The following TMEM72 variants were observed in gnomAD, a reference collection of about 807,000 sequenced individuals.
The protein encoded by TMEM72 is kidney-specific secretory protein of 37 kDa.
Under a neutral mutation model 16.3 loss-of-function variants are expected in TMEM72, and 9 were observed. The ratio of observed to expected loss-of-function variants is 0.55; its 90% confidence interval spans 0.33 to 0.96. TMEM72 has a LOEUF of 0.96. TMEM72 is among the 40% of genes least tolerant of loss of function. TMEM72 has a pLI of 0.03. For missense variants in TMEM72, 324 were observed against 337.8 expected (o/e 0.96, Z 0.32); for synonymous variants, 160 against 146.5 (o/e 1.09, Z -0.66).
rs1302348939 is a variant in TMEM72, at chr10:44,933,915, G to A, written c.349+139G>A. 1.8e-5 allele frequency: 19 copies of A among 1,084,094 alleles called. 1 individual carries two copies. The highest frequency in any genetic ancestry group is 2.3e-5 in the Non-Finnish European group (18 of 789,420). 67.2% of individuals were successfully genotyped at this position (1,084,094 alleles called of 1,614,324 possible). On this transcript the variant is annotated intron_variant, in intron 4 of 4. Coordinates refer to ENST00000389583, the MANE Select transcript of TMEM72 (RefSeq NM_001123376.3). ...CACTGCCCTCTCTGACCTAGAGGGT[G>A]GACATGAGGAATCATCGGAATGCCA...
chr10:44,927,879 T>C, intron 1 of TMEM72, 42 bp from the exon 2 acceptor site: 2 of 1,606,464 alleles, frequency 1.2e-6, no homozygotes, highest in African/African-American at 2.7e-5. Flanking sequence ...TGCTGTGGTG[T>C]AGAGCACCAG....
At chr10:44,916,471 C>A (rs1185583624) in intron 1 of TMEM72, among the ~76,000 whole-genome samples, 1 of 152,114 alleles carries the variant, frequency 6.6e-6, no homozygotes, top group Non-Finnish European at 1.5e-5. Flanking sequence ...AAGGATAGAG[C>A]AAATGCATAG....
rs1840384734 is a variant in TMEM72 at position 44,935,399 on chromosome 10, C to T, written c.*265C>T. On this transcript the variant is annotated 3_prime_UTR_variant, in exon 5 of 5. Coordinates refer to ENST00000389583, the MANE Select transcript of TMEM72 (RefSeq NM_001123376.3). Reference sequence around the variant, plus strand: ...CAGGTGGGGAAACCCTTATGCTTCCCCAACAAGACCATCACTGCCACTGCG... The same window carrying T: ...CAGGTGGGGAAACCCTTATGCTTCCTCAACAAGACCATCACTGCCACTGCG... The T allele has an allele frequency of 7.2e-6, 3 of 414,076 alleles. No individual in the cohort carries two copies. The highest frequency in any genetic ancestry group is 2.0e-5 in the African/African-American group (1 of 49,448). The allele number at this position is 414,076 out of a possible 1,614,324, so 25.7% of individuals were successfully genotyped here.
Position 44,927,970 on chromosome 10 carries a change from C to G in TMEM72, c.120C>G (p.Ser40Arg). ...TETFLQGQFK[S>R]LAFYLLFTGA... is the part of the protein sequence containing the mutation. The stretch of plus-strand genomic sequence containing the variant: ...CCTTCCTCCAGGGCCAGTTCAAAAG[C>G]CTGGCTTTCTATCTGCTGTGAGTAT... Residue 40 changes from serine to arginine, a missense_variant, in exon 2 of 5, where the codon AGC becomes AGG. Transcript: ENST00000389583. 6.2e-7 allele frequency: 1 copy of G among 1,613,792 alleles called. No homozygotes were observed. The highest frequency in any genetic ancestry group is 1.3e-5 in the African/African-American group (1 of 75,030).
intron 1 of TMEM72, among the ~76,000 whole-genome samples, chr10:44,915,831 C>A (rs1169980014): frequency 6.6e-6 from 1 of 152,168 alleles, no homozygotes; most frequent in Non-Finnish European, 1.5e-5. Context: ...ACCAGCACCA[C>A]CGTGACCTTC....
intron 1 of TMEM72, among the ~76,000 whole-genome samples, chr10:44,917,069 T>C (rs1208616079): frequency 2.6e-5 from 4 of 152,072 alleles, no homozygotes; most frequent in Non-Finnish European, 5.9e-5. Flanking sequence ...GACACATGGA[T>C]TAGAATGGCA....
At chr10:44,931,927 T>A in intron 2 of TMEM72, 71 bp from the exon 3 acceptor site, 2 of 1,500,370 alleles carry the variant, frequency 1.3e-6, no homozygotes, top group South Asian at 2.4e-5. Flanking sequence ...AGGCCACGTG[T>A]GAGAAGACAG....
chr10:44,925,103 C>T lies in TMEM72; in HGVS notation c.71-2818C>T, dbSNP rs146893896. Among the ~76,000 whole-genome samples the T allele has an allele frequency of 1.2e-3, 182 of 152,324 alleles. 1 individual carries two copies. Among genetic ancestry groups the T allele is most frequent in the Middle Eastern group, 3.4e-3 (1 of 294 alleles). ...TCTGCCCCTTCCACAGATGAGAAAACACAGCTTGGATGAGTTAAGTACTTG... is the reference window on the plus strand; with the variant it reads ...TCTGCCCCTTCCACAGATGAGAAAATACAGCTTGGATGAGTTAAGTACTTG... On this transcript the variant is annotated intron_variant, in intron 1 of 4. Coordinates refer to ENST00000389583, the MANE Select transcript of TMEM72 (RefSeq NM_001123376.3).
rs753581640 is a variant in TMEM72, at chr10:44,927,957, G to A, written c.107G>A (p.Gly36Asp). ...GTGGGCACTGAGACCTTCCTCCAGGGCCAGTTCAAAAGCCTGGCTTTCTAT... is the reference window on the plus strand; with the variant it reads ...GTGGGCACTGAGACCTTCCTCCAGGACCAGTTCAAAAGCCTGGCTTTCTAT... ...IGVGTETFLQ[G>D]QFKSLAFYLL... is the part of the protein sequence containing the mutation. The change falls in exon 2 of 5, where the codon GGC (glycine) becomes GAC (aspartate). Residue 36 changes from glycine (G) to aspartate (D), a missense_variant. Gly to Asp is a moderately conservative substitution (Grantham distance 94). Transcript: ENST00000389583. The A allele has an allele frequency of 3.7e-6, 6 of 1,613,536 alleles. No homozygotes were observed. The South Asian group carries it at 5.5e-5, about 15-fold the overall frequency.
At chr10:44,925,887 A>C (rs1186106563) in intron 1 of TMEM72, among the ~76,000 whole-genome samples, 1 of 152,148 alleles carries the variant, frequency 6.6e-6, no homozygotes. Context: ...CACATCACAC[A>C]TATACTCACA....
At chr10:44,927,646 G>C (rs1840217824) in intron 1 of TMEM72, among the ~76,000 whole-genome samples, 1 of 152,264 alleles carries the variant, frequency 6.6e-6, no homozygotes, top group Admixed American at 6.5e-5. Context: ...CCACATTAGT[G>C]TGGGCAGTTG....
At chr10:44,913,979 G>A (rs1050149045) in intron 1 of TMEM72, among the ~76,000 whole-genome samples, 1 of 152,154 alleles carries the variant, frequency 6.6e-6, no homozygotes, top group Non-Finnish European at 1.5e-5. Flanking sequence ...TCACCTGCAG[G>A]GACCAGGCAG....
Position 44,927,954 on chromosome 10 carries a change from A to G in TMEM72, c.104A>G (p.Gln35Arg). 4.3e-6 allele frequency: 7 copies of G among 1,613,900 alleles called. No homozygotes were observed. The highest frequency in any genetic ancestry group is 5.9e-6 in the Non-Finnish European group (7 of 1,179,982). ...GGCGTGGGCACTGAGACCTTCCTCC[A>G]GGGCCAGTTCAAAAGCCTGGCTTTC... ...LIGVGTETFLQGQFKSLAFYL... is the reference protein window; with the variant it reads ...LIGVGTETFLRGQFKSLAFYL... Residue 35 changes from glutamine to arginine, a missense_variant, in exon 2 of 5, where the codon CAG becomes CGG. Gln to Arg is a conservative substitution (Grantham distance 43). Transcript: ENST00000389583.
In TMEM72 at chr10:44,911,347, C is replaced by T. The variant is rs1407862364; in HGVS notation, c.-166C>T. On this transcript the variant is annotated 5_prime_UTR_variant, in exon 1 of 5. Transcript: ENST00000389583. ...GAGAGCACAGAAGGTGAGCCCTATT[C>T]ACACCTCGGCCAGGCTGCGGTGGCC... The T allele has an allele frequency of 4.2e-5, 27 of 644,114 alleles. No individual in the cohort carries two copies. Among genetic ancestry groups the T allele is most frequent in the Non-Finnish European group, 6.7e-5 (25 of 372,118 alleles). 39.9% of individuals were successfully genotyped at this position (644,114 alleles called of 1,614,324 possible). A position where few individuals can be genotyped will look rare whatever the true frequency, so the allele number is the denominator to read the frequency against.
intron 2 of TMEM72, 141 bp from the exon 3 acceptor site, chr10:44,931,857 G>C: frequency 2.5e-6 from 2 of 808,226 alleles, no homozygotes; most frequent in Non-Finnish European, 3.9e-6. Context: ...GAGACAGCCC[G>C]TGGTGAATGT....
chr10:44,927,907 C>G lies in TMEM72; in HGVS notation c.71-14C>G. 1 of 1,613,762 alleles carries G rather than the reference C, an allele frequency of 6.2e-7. No homozygotes were observed. The highest frequency in any genetic ancestry group is 1.1e-5 in the South Asian group (1 of 91,064). On this transcript the variant is annotated splice_polypyrimidine_tract_variant and intron_variant, in intron 1 of 4. Coordinates refer to ENST00000389583, the MANE Select transcript of TMEM72 (RefSeq NM_001123376.3). Reference sequence around the variant, plus strand: ...AGCACCAGGCCCACTCTTCCTTCTTCTCTTGCCCCTTAGTGTTGATCGGCG... The same window carrying G: ...AGCACCAGGCCCACTCTTCCTTCTTGTCTTGCCCCTTAGTGTTGATCGGCG...
chr10:44,915,531 C>T (rs1230062380), intron 1 of TMEM72, among the ~76,000 whole-genome samples: 1 of 152,100 alleles, frequency 6.6e-6, no homozygotes, highest in Non-Finnish European at 1.5e-5. Flanking sequence ...TCGTTATTTC[C>T]TCCACCTGAA....
intron 2 of TMEM72, 32 bp downstream of exon 2, chr10:44,928,019 T>C: frequency 6.2e-7 from 1 of 1,609,872 alleles, no homozygotes. Context: ...ACTTTTGACC[T>C]GCAAGTTCTG....
Position 44,932,049 on chromosome 10 carries a change from GCTGCTGGCCAT to G in TMEM72, c.195_205del (p.Ala66ProfsTer85), listed in dbSNP as rs1840306653. The G allele has an allele frequency of 6.2e-7, 1 of 1,613,170 alleles. No individual in the cohort carries two copies. Among genetic ancestry groups the G allele is most frequent in the African/African-American group, 1.3e-5 (1 of 74,900 alleles). ...GTGAAGGGGCCTACTTTGTGGCTCA[GCTGCTGGCCAT>G]CTGCTTCCAGTAAGTAGTTTCCAGA... On this transcript the variant is annotated frameshift_variant, in exon 3 of 5. Coordinates refer to ENST00000389583, the MANE Select transcript of TMEM72 (RefSeq NM_001123376.3). LOFTEE classifies it high-confidence loss of function.
Sources: gnomAD v4.1 joint callset for allele counts (sites outside exome capture counted in the v4.1 genomes callset) on GRCh38, gnomAD v4.1.1 for gene constraint, MANE v1.5 for transcripts, NCBI Gene and HGNC (gene_info 2026-07-23, HGNC 2026-07-21) for gene names.